Variants in CHMP5 observed in about 807,000 individuals in gnomAD.
The protein encoded by CHMP5 is charged multivesicular body protein 5.
Under a neutral mutation model 33.0 loss-of-function variants are expected in CHMP5, and 17 were observed. The observed-to-expected ratio is 0.52, with a 90% CI of 0.35 to 0.77. The LOEUF (loss-of-function observed/expected upper bound fraction) is 0.77, where lower values mean the gene tolerates loss of function less well. CHMP5 is among the 30% of genes least tolerant of loss of function. The pLI is 0.01. For synonymous variants in CHMP5, 76 were observed against 90.2 expected (o/e 0.84, Z 0.89); for missense variants, 216 against 261.5 (o/e 0.83, Z 1.20).
At chr9:33,280,099 C>A (rs1299460553) in intron 7 of CHMP5, among the ~76,000 whole-genome samples, 1 of 152,012 alleles carries the variant, frequency 6.6e-6, no homozygotes, top group Non-Finnish European at 1.5e-5. Flanking sequence ...ACCTCAGCCT[C>A]CCAAGTAGCT....
Position 33,267,839 on chromosome 9 carries a change from G to GT in CHMP5, c.175-9dup, listed in dbSNP as rs1252223944. 6.3e-7 allele frequency: 1 copy of GT among 1,597,682 alleles called. No homozygotes were observed. The highest frequency in any genetic ancestry group is 8.6e-7 in the Non-Finnish European group (1 of 1,165,948). On this transcript the variant is annotated splice_polypyrimidine_tract_variant and intron_variant, in intron 2 of 7. Coordinates refer to ENST00000223500, the MANE Select transcript of CHMP5 (RefSeq NM_016410.6). ...TTTCCACCTTATTTTTATTAAATCT[G>GT]TTTTTCTCTCCAGAATATGGTCAAG...
Position 33,265,120 on chromosome 9 carries a change from G to A in CHMP5, c.42G>A (p.Pro14=), listed in dbSNP as rs1251580334. 4.3e-6 allele frequency: 7 copies of A among 1,614,144 alleles called. No homozygotes were observed. The highest frequency in any genetic ancestry group is 5.1e-6 in the Non-Finnish European group (6 of 1,180,018). The part of the protein sequence containing the change: ...LFGKAKPKAP[P]PSLTDCIGTV... ...GGAAAGCGAAACCCAAGGCTCCGCCGCCCAGCCTGACTGACTGCATTGGCA... is the reference window on the plus strand; with the variant it reads ...GGAAAGCGAAACCCAAGGCTCCGCCACCCAGCCTGACTGACTGCATTGGCA... The change falls in exon 1 of 8, where the codon CCG becomes CCA. Residue 14 remains proline, a synonymous_variant. Transcript: ENST00000223500.
chr9:33,266,890 G>A (rs1280655228), intron 2 of CHMP5, among the ~76,000 whole-genome samples: 1 of 152,172 alleles, frequency 6.6e-6, no homozygotes, highest in East Asian at 1.9e-4. Flanking sequence ...TTCCACTCCT[G>A]TTAGGTAGAA....
chr9:33,272,658 G>C (rs976911242), intron 5 of CHMP5, among the ~76,000 whole-genome samples: 1 of 151,978 alleles, frequency 6.6e-6, no homozygotes, highest in African/African-American at 2.4e-5. Flanking sequence ...CAAAAAATTA[G>C]CCGAGCATGG....
intron 7 of CHMP5, among the ~76,000 whole-genome samples, chr9:33,278,564 G>C (rs1820882249): frequency 6.6e-6 from 1 of 152,094 alleles, no homozygotes; most frequent in South Asian, 2.1e-4. Flanking sequence ...CTAGGCAGCA[G>C]TGAAAAAGTC....
intron 7 of CHMP5, among the ~76,000 whole-genome samples, chr9:33,279,457 G>A (rs185680872): frequency 3.9e-5 from 6 of 152,008 alleles, no homozygotes; most frequent in East Asian, 1.9e-4. Flanking sequence ...ACTCCTCCCC[G>A]ACCTCTCTGG....
At position 33,265,287 on chromosome 9, in the gene CHMP5, C is replaced by G. The variant is rs556262117; in HGVS notation, c.69+140C>G. 1.7e-5 allele frequency: 13 copies of G among 771,880 alleles called. No homozygotes were observed. The South Asian group carries it at 2.0e-4, about 12-fold the overall frequency. The allele number at this position is 771,880 out of a possible 1,614,324, so 47.8% of individuals were successfully genotyped here. ...ACGTCGTCCCTCTCTATCTCACCTT[C>G]TCCCCTTCATCCCTGTTACCCAAGT... On this transcript the variant is annotated intron_variant, in intron 1 of 7. Coordinates refer to ENST00000223500, the MANE Select transcript of CHMP5 (RefSeq NM_016410.6).
chr9:33,280,913 A>C lies in CHMP5; in HGVS notation c.*54A>C. 1 of 1,446,046 alleles carries C rather than the reference A, an allele frequency of 6.9e-7. No homozygotes were observed. Among genetic ancestry groups the C allele is most frequent in the South Asian group, 1.3e-5 (1 of 78,294 alleles). 89.6% of individuals were successfully genotyped at this position (1,446,046 alleles called of 1,614,324 possible). ...AACAAACACATATTATGGGACTAGGAAATATTTATCTTTCCAAATTTGCCA... is the reference window on the plus strand; with the variant it reads ...AACAAACACATATTATGGGACTAGGCAATATTTATCTTTCCAAATTTGCCA... On this transcript the variant is annotated 3_prime_UTR_variant, in exon 8 of 8. Transcript: ENST00000223500.
At chr9:33,279,866 CAAAAAAAAA>C (rs77706408) in intron 7 of CHMP5, among the ~76,000 whole-genome samples, 2 of 54,948 alleles carry the variant, frequency 3.6e-5, no homozygotes, top group African/African-American at 1.6e-4. Flanking sequence ...AACTCAATCT[CAAAAAAAAA>C]AAAAAAAAAA....
chr9:33,278,701 ATAAT>A (rs1177698673), intron 7 of CHMP5, among the ~76,000 whole-genome samples: 2 of 152,078 alleles, frequency 1.3e-5, no homozygotes, highest in Non-Finnish European at 2.9e-5. Context: ...CTATGGATTA[ATAAT>A]TTAAGCATAA....
intron 5 of CHMP5, among the ~76,000 whole-genome samples, chr9:33,273,272 AT>A (rs11294477): frequency 0.038 from 5,534 of 146,924 alleles, 191 homozygotes; most frequent in African/African-American, 0.084. Context: ...ACTCCCAGCC[AT>A]TTTTTTTTTT....
intron 5 of CHMP5, among the ~76,000 whole-genome samples, chr9:33,271,546 A>G (rs769062255): frequency 1.3e-5 from 2 of 152,216 alleles, no homozygotes; most frequent in Non-Finnish European, 2.9e-5. Context: ...TTCAGTTTCC[A>G]TACAATATTT....
In CHMP5 at chr9:33,281,393, G is replaced by C. The variant is rs1820921191; in HGVS notation, c.*534G>C. On this transcript the variant is annotated 3_prime_UTR_variant, in exon 8 of 8. Coordinates refer to ENST00000223500, the MANE Select transcript of CHMP5 (RefSeq NM_016410.6). The stretch of plus-strand genomic sequence containing the variant: ...GAATTATCACTACTGTATCATGAGT[G>C]GGTATTTTGATTCTATGGTTCCCTC... 6.6e-6 allele frequency: 1 copy of C among 152,604 alleles called. No individual in the cohort carries two copies. The highest frequency in any genetic ancestry group is 6.5e-5 in the Admixed American group (1 of 15,284). The allele number at this position is 152,604 out of a possible 1,614,324, so 9.5% of individuals were successfully genotyped here. A position where few individuals can be genotyped will look rare whatever the true frequency, so the allele number is the denominator to read the frequency against.
intron 6 of CHMP5, among the ~76,000 whole-genome samples, chr9:33,277,155 C>T (rs942341749): frequency 6.8e-6 from 1 of 146,576 alleles, no homozygotes; most frequent in African/African-American, 2.6e-5. Context: ...GAGATTGCCC[C>T]ACTGCAGCCT....
At chr9:33,277,190 CAAA>C (rs59657807) in intron 6 of CHMP5, among the ~76,000 whole-genome samples, 42 of 53,398 alleles carry the variant, frequency 7.9e-4, no homozygotes, top group African/African-American at 2.3e-3. Context: ...GACCTTCTCT[CAAA>C]AAAAAAAAAA....
At chr9:33,268,532 T>TG (rs1820755723) in intron 3 of CHMP5, among the ~76,000 whole-genome samples, 1 of 152,214 alleles carries the variant, frequency 6.6e-6, no homozygotes, top group African/African-American at 2.4e-5. Flanking sequence ...CCAGAAAGAT[T>TG]GTCAGTGTCT....
chr9:33,265,399 C>CAT (rs1564084370), intron 1 of CHMP5, among the ~76,000 whole-genome samples: 16 of 152,038 alleles, frequency 1.1e-4, no homozygotes, highest in Non-Finnish European at 1.8e-4. Flanking sequence ...GCCCATTGCC[C>CAT]GTCCACTCGC....
intron 5 of CHMP5, among the ~76,000 whole-genome samples, chr9:33,272,546 T>C (rs1003349751): frequency 6.6e-6 from 1 of 152,150 alleles, no homozygotes; most frequent in African/African-American, 2.4e-5. Context: ...GGCTCACTCC[T>C]GTAATCCCAG....
chr9:33,271,309 G>C lies in CHMP5; in HGVS notation c.387+86G>C, dbSNP rs186083484. The C allele has an allele frequency of 1.2e-4, 129 of 1,057,488 alleles. No homozygotes were observed. In the African/African-American group the frequency reaches 2.0e-3, roughly 16 times the overall value. The allele number at this position is 1,057,488 out of a possible 1,614,324, so 65.5% of individuals were successfully genotyped here. A position where few individuals can be genotyped will look rare whatever the true frequency, so the allele number is the denominator to read the frequency against. ...TGTGCATGTGATAGGAAGAGCACAG[G>C]AGAGGAACTGAATCTTGGGGCTGCC... On this transcript the variant is annotated intron_variant, in intron 5 of 7. Coordinates refer to ENST00000223500, the MANE Select transcript of CHMP5 (RefSeq NM_016410.6).
Sources: gnomAD v4.1 joint callset for allele counts (sites outside exome capture counted in the v4.1 genomes callset) on GRCh38, gnomAD v4.1.1 for gene constraint, MANE v1.5 for transcripts, NCBI Gene and HGNC (gene_info 2026-07-23, HGNC 2026-07-21) for gene names.